ARHGAP26: variants seen among roughly 807,000 people sequenced by gnomAD.
ARHGAP26 encodes the protein Rho GTPase activating protein 26.
ARHGAP26 carries 38 observed loss-of-function variants against 104.8 expected under a neutral mutation model. The observed-to-expected ratio is 0.36, with a 90% CI of 0.28 to 0.48. ARHGAP26 has a LOEUF of 0.48. Among genes scored for constraint, ARHGAP26 ranks in the 20% least tolerant of loss-of-function variants. The probability of loss-of-function intolerance (pLI) is 0.99; values close to 1 mark genes in which losing one functional copy is unlikely to be tolerated. For synonymous variants in ARHGAP26, 341 were observed against 340.0 expected, an observed-to-expected ratio of 1.00 and a Z score of -0.03; for missense variants, 704 against 947.9, an observed-to-expected ratio of 0.74 and a Z score of 3.38.
At chr5:143,216,380 G>A in intron 22 of ARHGAP26, 1 of 454,878 alleles carries the variant, frequency 2.2e-6, no homozygotes, top group Non-Finnish European at 4.5e-6. Flanking sequence ...GCCCTTCAGT[G>A]GCCTCCCATT....
chr5:143,188,469 C>T (rs1305427597), intron 20 of ARHGAP26, among the ~76,000 whole-genome samples: 1 of 152,158 alleles, frequency 6.6e-6, no homozygotes, highest in African/African-American at 2.4e-5. Context: ...TGTAATAGTC[C>T]TTCCCGGAGG....
intron 12 of ARHGAP26, 137 bp downstream of exon 12, chr5:143,014,253 T>TG (rs1779287551): frequency 1.1e-6 from 1 of 902,384 alleles, no homozygotes. Context: ...CAGTGGGACA[T>TG]GCCTCCACCC....
chr5:142,788,768 A>G (rs1759178308), intron 1 of ARHGAP26, among the ~76,000 whole-genome samples: 1 of 152,226 alleles, frequency 6.6e-6, no homozygotes. Flanking sequence ...GCATCCATAG[A>G]TATTGGTATC....
rs1217350223 is a variant in ARHGAP26 at position 142,963,198 on chromosome 5, A to ATGTGTGTGTGTG, written c.1107+31084_1107+31095dup. On this transcript the variant is annotated intron_variant, in intron 11 of 22. Transcript: ENST00000645722. ...TATATATATATATATATATATATAT[A>ATGTGTGTGTGTG]TGTGTGTGTGTGTGTGTGTGTGCGC... 2.2e-3 allele frequency among the ~76,000 whole-genome samples: 219 copies of ATGTGTGTGTGTG among 98,262 alleles called. 6 individuals are homozygous for ATGTGTGTGTGTG. The highest frequency in any genetic ancestry group is 0.011 in the African/African-American group (175 of 16,344). The allele number at this position is 98,262 out of a possible 152,430, so 64.5% of individuals were successfully genotyped here.
intron 1 of ARHGAP26, among the ~76,000 whole-genome samples, chr5:142,843,817 A>G (rs1245959795): frequency 6.6e-6 from 1 of 152,142 alleles, no homozygotes; most frequent in Non-Finnish European, 1.5e-5. Flanking sequence ...GATCTGCAGA[A>G]GGTGACACTG....
At chr5:142,887,518 C>T (rs564514678) in intron 5 of ARHGAP26, among the ~76,000 whole-genome samples, 1 of 152,294 alleles carries the variant, frequency 6.6e-6, no homozygotes, top group African/African-American at 2.4e-5. Context: ...AAATTGGATG[C>T]CACTATTCCT....
chr5:143,054,428 C>T lies in ARHGAP26; in HGVS notation c.1286-11C>T, dbSNP rs762661439. 9 of 1,598,200 alleles carry T rather than the reference C, an allele frequency of 5.6e-6. No homozygotes were observed. The East Asian group carries it at 1.8e-4, about 32-fold the overall frequency. On this transcript the variant is annotated splice_polypyrimidine_tract_variant and intron_variant, in intron 14 of 22. Transcript: ENST00000645722. The stretch of plus-strand genomic sequence containing the variant: ...TGCTGTGCTTTATGTATTGTCTTTT[C>T]TTCATTTTAGACCCCAAGACTGCTT...
intron 11 of ARHGAP26, among the ~76,000 whole-genome samples, chr5:143,000,634 T>C (rs245845): frequency 0.93 from 142,340 of 152,278 alleles, 66,886 homozygotes; most frequent in Non-Finnish European, 0.99. Context: ...ATTCAAATGC[T>C]CATCAATGAT....
intron 1 of ARHGAP26, among the ~76,000 whole-genome samples, chr5:142,812,954 T>C (rs2152032288): frequency 1.3e-5 from 2 of 151,154 alleles, no homozygotes; most frequent in East Asian, 3.9e-4. Context: ...TTTTTTTTTT[T>C]TGAGAAGGAG....
chr5:142,808,926 T>G (rs1408055247), intron 1 of ARHGAP26, among the ~76,000 whole-genome samples: 1 of 152,242 alleles, frequency 6.6e-6, no homozygotes, highest in Admixed American at 6.5e-5. Context: ...GGCACCTTAC[T>G]TATTAAGCTT....
intron 10 of ARHGAP26, chr5:142,915,581 A>G (rs1275757502): frequency 6.6e-6 from 1 of 152,004 alleles, no homozygotes; most frequent in African/African-American, 2.4e-5. Context: ...GCTGGTCCTG[A>G]ACTCCTGACC....
intron 11 of ARHGAP26, among the ~76,000 whole-genome samples, chr5:142,995,637 T>G (rs778519155): frequency 1.6e-4 from 24 of 152,174 alleles, no homozygotes; most frequent in Non-Finnish European, 3.4e-4. Context: ...AGAAATACCA[T>G]TTGACCCAGC....
intron 18 of ARHGAP26, 33 bp downstream of exon 18, chr5:143,121,180 T>A (rs1420407827): frequency 6.2e-7 from 1 of 1,600,424 alleles, no homozygotes. Flanking sequence ...CAGTGAAGAA[T>A]GTACCTGGGG....
intron 5 of ARHGAP26, among the ~76,000 whole-genome samples, chr5:142,889,910 A>G (rs1306636158): frequency 6.6e-6 from 1 of 151,420 alleles, no homozygotes; most frequent in East Asian, 2.0e-4. Context: ...TGAGGTGGAC[A>G]GATCACCTGA....
intron 11 of ARHGAP26, among the ~76,000 whole-genome samples, chr5:142,955,273 A>G (rs971748710): frequency 1.6e-4 from 25 of 152,088 alleles, no homozygotes; most frequent in Non-Finnish European, 2.9e-5. Flanking sequence ...TGCTCTCCAG[A>G]CTGGGCGACA....
intron 5 of ARHGAP26, among the ~76,000 whole-genome samples, chr5:142,893,280 C>G (rs999758363): frequency 6.6e-6 from 1 of 151,942 alleles, no homozygotes; most frequent in Non-Finnish European, 1.5e-5. Context: ...CTGACTCCCA[C>G]CCCTTTCTTA....
Position 143,058,517 on chromosome 5 carries a change from C to T in ARHGAP26, c.1538+770C>T, listed in dbSNP as rs77827606. ...TACTTGTGTGTGTGTTCTAACCTTC[C>T]GTTGACTTTGATGGTATGTTCTTGA... On this transcript the variant is annotated intron_variant, in intron 17 of 22. Coordinates refer to ENST00000645722, the MANE Select transcript of ARHGAP26 (RefSeq NM_001135608.3). 3.9e-4 allele frequency among the ~76,000 whole-genome samples: 59 copies of T among 152,298 alleles called. No individual in the cohort carries two copies. The East Asian group carries it at 9.5e-3, about 24-fold the overall frequency.
At chr5:142,793,397 G>T (rs1760293556) in intron 1 of ARHGAP26, among the ~76,000 whole-genome samples, 1 of 151,270 alleles carries the variant, frequency 6.6e-6, no homozygotes, top group Non-Finnish European at 1.5e-5. Flanking sequence ...GCTCTAATCT[G>T]ATCACTTGGT....
At chr5:143,178,025 C>T (rs1398124316) in intron 20 of ARHGAP26, among the ~76,000 whole-genome samples, 2 of 105,370 alleles carry the variant, frequency 1.9e-5, no homozygotes, top group Non-Finnish European at 3.5e-5. Context: ...TTTGAGACAG[C>T]ATCTCACTCT....
Sources: allele counts gnomAD v4.1 joint callset (sites outside exome capture counted in the v4.1 genomes callset), GRCh38; gene constraint gnomAD v4.1.1; transcripts MANE v1.5; gene names NCBI Gene and HGNC (gene_info 2026-07-23, HGNC 2026-07-21).